AK4: variants seen among roughly 807,000 people sequenced by gnomAD.
The protein encoded by AK4 is adenylate kinase 4.
AK4 carries 13 observed loss-of-function variants against 24.6 expected under a neutral mutation model. That is an observed-to-expected ratio of 0.53 (90% CI 0.34 to 0.84). AK4 has a LOEUF of 0.84. Among genes scored for constraint, AK4 ranks in the 40% least tolerant of loss-of-function variants. The probability of loss-of-function intolerance (pLI) is 0.01; values close to 1 mark genes in which losing one functional copy is unlikely to be tolerated. For missense variants in AK4, 192 were observed against 288.2 expected, an observed-to-expected ratio of 0.67 and a Z score of 2.42; for synonymous variants, 88 against 107.0, an observed-to-expected ratio of 0.82 and a Z score of 1.10.
At chr1:65,154,353 T>A in intron 1 of AK4, 1 of 343,294 alleles carries the variant, frequency 2.9e-6, no homozygotes, top group South Asian at 2.2e-5. Context: ...TGAACTAGAA[T>A]GTGTCTAACC....
chr1:65,218,910 A>T lies in AK4; in HGVS notation c.422A>T (p.Asn141Ile), dbSNP rs993968514. Residue 141 changes from asparagine to isoleucine, a missense_variant, in exon 3 of 5, where the codon AAT becomes ATT. Transcript: ENST00000327299. The part of the protein sequence containing the change: ...PSGRVYNLDF[N>I]PPHVHGIDDV... ...GGAAGGGTATATAACCTGGACTTCA[A>T]TCCACCTCATGTACATGTAAGAATA... 1 of 1,586,406 alleles carries T rather than the reference A, an allele frequency of 6.3e-7. No homozygotes were observed. The highest frequency in any genetic ancestry group is 2.3e-5 in the East Asian group (1 of 43,912).
Position 65,229,251 on chromosome 1 carries a change from C to A in AK4, c.*3074C>A, listed in dbSNP as rs1005173024. On this transcript the variant is annotated 3_prime_UTR_variant, in exon 5 of 5. Coordinates refer to ENST00000327299, the MANE Select transcript of AK4 (RefSeq NM_013410.4). Reference sequence around the variant, plus strand: ...CTTGGTTCTGCTTATGGCCTCACATCAAGAAATGGAGCTAGTCCATGTCTG... The same window carrying A: ...CTTGGTTCTGCTTATGGCCTCACATAAAGAAATGGAGCTAGTCCATGTCTG... 3 of 152,116 alleles carry A rather than the reference C, an allele frequency of 2.0e-5. No individual in the cohort carries two copies. The highest frequency in any genetic ancestry group is 7.2e-5 in the African/African-American group (3 of 41,428). 9.4% of individuals were successfully genotyped at this position (152,116 alleles called of 1,614,324 possible). A position where few individuals can be genotyped will look rare whatever the true frequency, so the allele number is the denominator to read the frequency against.
At chr1:65,185,243 G>A (rs967653794) in intron 1 of AK4, among the ~76,000 whole-genome samples, 7 of 152,256 alleles carry the variant, frequency 4.6e-5, no homozygotes, top group African/African-American at 7.2e-5. Flanking sequence ...GGCCCCGTGC[G>A]TAGTTTAGTG....
chr1:65,161,127 C>T (rs576188686), intron 1 of AK4, among the ~76,000 whole-genome samples: 2 of 152,030 alleles, frequency 1.3e-5, no homozygotes, highest in East Asian at 3.9e-4. Flanking sequence ...AAAAAGGAAG[C>T]ACTGACTTCC....
chr1:65,179,706 G>A (rs1042995589), intron 1 of AK4, among the ~76,000 whole-genome samples: 1 of 152,112 alleles, frequency 6.6e-6, no homozygotes, highest in East Asian at 1.9e-4. Context: ...ATGGTGGCAT[G>A]TGCCTGTAGT....
At chr1:65,204,042 C>T (rs72928146) in intron 2 of AK4, among the ~76,000 whole-genome samples, 2,932 of 152,004 alleles carry the variant, frequency 0.019, 91 homozygotes, top group African/African-American at 0.068. Context: ...AAAAATGCAA[C>T]GGAAAGCAAC....
intron 1 of AK4, among the ~76,000 whole-genome samples, chr1:65,152,849 G>A (rs1570056638): frequency 2.6e-5 from 4 of 152,270 alleles, no homozygotes; most frequent in Admixed American, 2.6e-4. Context: ...GTATAAATGT[G>A]TGTCTTATGT....
intron 1 of AK4, among the ~76,000 whole-genome samples, chr1:65,168,145 CTTTT>C (rs3051710): frequency 3.2e-5 from 4 of 125,264 alleles, no homozygotes; most frequent in Non-Finnish European, 4.9e-5. Flanking sequence ...TCTGCATATT[CTTTT>C]TTTTTTTTTT....
intron 1 of AK4, among the ~76,000 whole-genome samples, chr1:65,188,582 C>T (rs972156889): frequency 6.8e-6 from 1 of 147,426 alleles, no homozygotes; most frequent in Non-Finnish European, 1.5e-5. Context: ...GGGTTCACAC[C>T]ATTCTCCTGC....
chr1:65,174,764 T>C (rs899491517), intron 1 of AK4, among the ~76,000 whole-genome samples: 7 of 152,206 alleles, frequency 4.6e-5, no homozygotes, highest in Non-Finnish European at 8.8e-5. Context: ...TGGAACCACA[T>C]TGACTGGGAA....
Position 65,152,348 on chromosome 1 carries a change from CTCTCTCTCTCTCTA to C in AK4, c.145+3798_145+3811del, listed in dbSNP as rs1395477273. Among the ~76,000 whole-genome samples the C allele has an allele frequency of 6.2e-3, 275 of 44,272 alleles. 2 individuals carry two copies. Among genetic ancestry groups the C allele is most frequent in the African/African-American group, 0.022 (211 of 9,672 alleles). 29.0% of individuals were successfully genotyped at this position (44,272 alleles called of 152,430 possible). ...TCTCTCTCTCTCTCTCTCTCTCTCT[CTCTCTCTCTCTCTA>C]TATATATATATATATATATATATTT... On this transcript the variant is annotated intron_variant, in intron 1 of 4. Coordinates refer to ENST00000327299, the MANE Select transcript of AK4 (RefSeq NM_013410.4).
Position 65,218,914 on chromosome 1 carries a change from A to G in AK4, c.426A>G (p.Pro142=), listed in dbSNP as rs186227036. 1.9e-6 allele frequency: 3 copies of G among 1,581,638 alleles called. No individual in the cohort carries two copies. Among genetic ancestry groups the G allele is most frequent in the Non-Finnish European group, 2.6e-6 (3 of 1,167,436 alleles). ...SGRVYNLDFN[P]PHVHGIDDVT... is the part of the protein sequence containing the mutation. ...GGGTATATAACCTGGACTTCAATCC[A>G]CCTCATGTACATGTAAGAATATACA... The change falls in exon 3 of 5, where the codon CCA becomes CCG. Residue 142 remains proline (P), a synonymous_variant. Coordinates refer to ENST00000327299, the MANE Select transcript of AK4 (RefSeq NM_013410.4).
At chr1:65,156,062 C>T (rs552407926) in intron 1 of AK4, among the ~76,000 whole-genome samples, 23 of 152,156 alleles carry the variant, frequency 1.5e-4, no homozygotes, top group Non-Finnish European at 7.4e-5. Context: ...CTAGTATTTT[C>T]CAATTTTGTT....
chr1:65,154,674 C>T (rs1649915997), intron 1 of AK4: 1 of 418,430 alleles, frequency 2.4e-6, no homozygotes, highest in Non-Finnish European at 4.9e-6. Context: ...AAAGGATTAT[C>T]CAAGGCATCT....
At chr1:65,163,636 G>A (rs751685190) in intron 1 of AK4, among the ~76,000 whole-genome samples, 2 of 152,164 alleles carry the variant, frequency 1.3e-5, no homozygotes, top group Non-Finnish European at 2.9e-5. Flanking sequence ...GTAACCTCCC[G>A]ATGGGCTCAC....
chr1:65,147,554 T>A (rs1386980404), upstream of AK4: 3 of 149,988 alleles, frequency 2.0e-5, no homozygotes, highest in Non-Finnish European at 3.0e-5. Context: ...CGGGCTTACG[T>A]AAGGCGCGAG....
chr1:65,166,667 T>A (rs1650340786), intron 1 of AK4, among the ~76,000 whole-genome samples: 1 of 152,120 alleles, frequency 6.6e-6, no homozygotes, highest in Admixed American at 6.5e-5. Flanking sequence ...GGACTACAGG[T>A]GCTCAACACC....
intron 1 of AK4, among the ~76,000 whole-genome samples, chr1:65,175,963 T>C (rs1239076001): frequency 6.6e-6 from 1 of 152,224 alleles, no homozygotes; most frequent in Non-Finnish European, 1.5e-5. Flanking sequence ...CATGTGTTCC[T>C]ATCCCGGGCC....
intron 2 of AK4, among the ~76,000 whole-genome samples, chr1:65,215,329 G>A (rs1652099265): frequency 2.0e-5 from 3 of 151,942 alleles, no homozygotes. Context: ...CTGCCACCAT[G>A]CCCGGCTAAT....
Sources: allele counts gnomAD v4.1 joint callset (sites outside exome capture counted in the v4.1 genomes callset), GRCh38; gene constraint gnomAD v4.1.1; transcripts MANE v1.5; gene names NCBI Gene and HGNC (gene_info 2026-07-23, HGNC 2026-07-21).